ELF1: variants seen among roughly 807,000 people sequenced by gnomAD.
ELF1 encodes ETS-related transcription factor Elf-1.
Under a neutral mutation model 59.9 loss-of-function variants are expected in ELF1, and 24 were observed. That is an observed-to-expected ratio of 0.40 (90% confidence interval 0.29 to 0.56). ELF1 has a LOEUF of 0.56. Ranked by LOEUF, ELF1 falls within the 20% of genes least tolerant of loss-of-function variation. ELF1 has a pLI of 0.44. For missense variants in ELF1, 627 were observed against 742.2 expected, an observed-to-expected ratio of 0.84 and a Z score of 1.80; for synonymous variants, 248 against 266.2, an observed-to-expected ratio of 0.93 and a Z score of 0.67.
At chr13:40,953,721 C>T (rs1871013853) in intron 3 of ELF1, among the ~76,000 whole-genome samples, 1 of 152,162 alleles carries the variant, frequency 6.6e-6, no homozygotes. Flanking sequence ...CTCTTTCTTC[C>T]CCTAGAGCTT....
chr13:41,025,107 A>C (rs2138398881), intron 1 of ELF1, among the ~76,000 whole-genome samples: 1 of 150,282 alleles, frequency 6.7e-6, no homozygotes, highest in African/African-American at 2.5e-5. Context: ...CAAGGCTTTC[A>C]CAATCTGACT....
At chr13:41,001,214 A>T (rs1385465328) in intron 1 of ELF1, among the ~76,000 whole-genome samples, 1 of 152,004 alleles carries the variant, frequency 6.6e-6, no homozygotes, top group Non-Finnish European at 1.5e-5. Context: ...TGATCTCATG[A>T]TCCACCTGCC....
chr13:41,056,633 T>C (rs1294277681), intron 1 of ELF1, among the ~76,000 whole-genome samples: 1 of 152,210 alleles, frequency 6.6e-6, no homozygotes, highest in African/African-American at 2.4e-5. Flanking sequence ...TGTTTGAATC[T>C]TTACTACATA....
chr13:41,058,982 A>AAAG (rs61157277), intron 1 of ELF1, among the ~76,000 whole-genome samples: 8,337 of 152,280 alleles, frequency 0.055, 524 homozygotes, highest in East Asian at 0.24. Context: ...TCAACAAAAA[A>AAAG]AAGAAGAAAA....
At chr13:40,962,587 G>A (rs1413099277) in intron 2 of ELF1, among the ~76,000 whole-genome samples, 2 of 151,744 alleles carry the variant, frequency 1.3e-5, no homozygotes, top group Non-Finnish European at 2.9e-5. Flanking sequence ...TTAGGAGGGT[G>A]AGGCAGGGGA....
At chr13:40,993,067 T>A in intron 1 of ELF1, 4 of 1,608,014 alleles carry the variant, frequency 2.5e-6, no homozygotes, top group Non-Finnish European at 3.4e-6. Flanking sequence ...GCTGGGGCCT[T>A]CATCATCTTG....
At chr13:40,980,209 C>A (rs1873172668) in intron 2 of ELF1, among the ~76,000 whole-genome samples, 1 of 152,138 alleles carries the variant, frequency 6.6e-6, no homozygotes, top group African/African-American at 2.4e-5. Flanking sequence ...CAAATTGTGG[C>A]TCTACTATTT....
At chr13:40,999,544 A>C (rs1172530719) in intron 1 of ELF1, among the ~76,000 whole-genome samples, 2 of 152,192 alleles carry the variant, frequency 1.3e-5, no homozygotes, top group East Asian at 3.8e-4. Flanking sequence ...GAAGAAGTAA[A>C]AAAAGTTGCT....
At chr13:41,053,310 T>C (rs965181230) in intron 1 of ELF1, among the ~76,000 whole-genome samples, 2 of 151,918 alleles carry the variant, frequency 1.3e-5, no homozygotes, top group African/African-American at 4.8e-5. Context: ...GCCGAGATCA[T>C]GCTACTGCAC....
At chr13:41,002,463 C>T (rs919644906) in intron 1 of ELF1, among the ~76,000 whole-genome samples, 2 of 151,230 alleles carry the variant, frequency 1.3e-5, no homozygotes, top group East Asian at 3.9e-4. Context: ...AGCAACATGG[C>T]GAGAACCCAT....
chr13:41,013,710 T>A (rs1875203530), intron 1 of ELF1, among the ~76,000 whole-genome samples: 1 of 152,232 alleles, frequency 6.6e-6, no homozygotes, highest in Admixed American at 6.5e-5. Flanking sequence ...TAACACTTTA[T>A]AATTTTATTT....
upstream of ELF1, among the ~76,000 whole-genome samples, chr13:41,024,287 G>GT (rs1875797262): frequency 6.6e-6 from 1 of 151,964 alleles, no homozygotes; most frequent in Non-Finnish European, 1.5e-5. Context: ...AACCACTGCT[G>GT]TTTTTGTTTG....
chr13:40,962,291 G>A (rs1871875353), intron 2 of ELF1, among the ~76,000 whole-genome samples: 1 of 151,990 alleles, frequency 6.6e-6, no homozygotes, highest in Non-Finnish European at 1.5e-5. Flanking sequence ...ATTTAATAAG[G>A]AAAATTTCAA....
At chr13:40,955,206 G>A (rs1415846762) in intron 3 of ELF1, among the ~76,000 whole-genome samples, 144 of 149,606 alleles carry the variant, frequency 9.6e-4, no homozygotes, top group African/African-American at 3.3e-3. Context: ...GAGCCCCTCC[G>A]CCCGGCAGCC....
At chr13:41,020,939 GA>G (rs1875665110), upstream of ELF1, among the ~76,000 whole-genome samples, 1 of 152,026 alleles carries the variant, frequency 6.6e-6, no homozygotes, top group African/African-American at 2.4e-5. Context: ...AAGGATGTCA[GA>G]AAAAGTGAAA....
rs191195057 is a variant in ELF1, at chr13:41,047,278, C to T, written c.-229+13560G>A. ...CGTCTGAAGCCTTCTTCTCTCAACT[C>T]GTCAAAGTCATTCTCCGTCCAGCTT... On this transcript the variant is annotated intron_variant, in intron 1 of 1. Coordinates refer to the ELF1 transcript ENST00000405737. Among the ~76,000 whole-genome samples, 568 of 152,338 alleles carry T rather than the reference C, an allele frequency of 3.7e-3. 8 individuals are homozygous for T. Among genetic ancestry groups the T allele is most frequent in the African/African-American group, 0.012 (482 of 41,580 alleles).
At chr13:41,046,156 T>A (rs1049235829) in intron 1 of ELF1, among the ~76,000 whole-genome samples, 2 of 152,212 alleles carry the variant, frequency 1.3e-5, no homozygotes, top group Non-Finnish European at 2.9e-5. Flanking sequence ...CCTCCATCCC[T>A]TTATTTTGAG....
chr13:41,014,974 T>C (rs1352991485), intron 1 of ELF1, among the ~76,000 whole-genome samples: 1 of 152,120 alleles, frequency 6.6e-6, no homozygotes, highest in African/African-American at 2.4e-5. Context: ...ACTATTGTGC[T>C]AGTCTTTAAG....
At chr13:41,021,012 A>C (rs557754060), upstream of ELF1, among the ~76,000 whole-genome samples, 8 of 152,318 alleles carry the variant, frequency 5.3e-5, no homozygotes, top group South Asian at 1.7e-3. Flanking sequence ...TAACTTTAAA[A>C]GTATTCAGAT....
Sources: allele counts gnomAD v4.1 joint callset (sites outside exome capture counted in the v4.1 genomes callset), GRCh38; gene constraint gnomAD v4.1.1; transcripts MANE v1.5; gene names NCBI Gene and HGNC (gene_info 2026-07-23, HGNC 2026-07-21).